Variants in UBE2E2 observed in about 807,000 individuals in gnomAD.
UBE2E2 encodes the protein ubiquitin conjugating enzyme E2 E2, also known as ubiquitin-conjugating enzyme E2 E2.
In UBE2E2, 6 loss-of-function variants were observed where a neutral mutation model predicts 24.7. That is an observed-to-expected ratio of 0.24 (90% CI 0.13 to 0.48). The LOEUF (loss-of-function observed/expected upper bound fraction) is 0.48. Among genes scored for constraint, UBE2E2 ranks in the 20% least tolerant of loss-of-function variants. The probability of loss-of-function intolerance (pLI) is 0.99; values close to 1 mark genes in which losing one functional copy is unlikely to be tolerated. For synonymous variants in UBE2E2, 104 were observed against 83.6 expected, an observed-to-expected ratio of 1.24 and a Z score of -1.33; for missense variants, 169 against 245.0, an observed-to-expected ratio of 0.69 and a Z score of 2.07.
intron 3 of UBE2E2, among the ~76,000 whole-genome samples, chr3:23,318,767 T>C (rs1420978912): frequency 6.6e-6 from 1 of 152,092 alleles, no homozygotes; most frequent in Non-Finnish European, 1.5e-5. Flanking sequence ...CCACAACATA[T>C]GGGAATTATG....
In UBE2E2 at chr3:23,263,058, A is replaced by T. The variant is rs188003218; in HGVS notation, c.227+45746A>T. On this transcript the variant is annotated intron_variant, in intron 3 of 5. Transcript: ENST00000396703. ...AGAAGTTGCTGTTACAGAACAAGAG[A>T]TGGAGAGAAGGAACTTTTAGGTGAG... Among the ~76,000 whole-genome samples the T allele has an allele frequency of 1.6e-3, 240 of 152,276 alleles. 1 individual carries two copies. Among genetic ancestry groups the T allele is most frequent in the Non-Finnish European group, 2.6e-3 (174 of 68,020 alleles).
intron 3 of UBE2E2, among the ~76,000 whole-genome samples, chr3:23,298,584 T>G (rs1246192954): frequency 4.6e-5 from 7 of 151,952 alleles, no homozygotes; most frequent in Admixed American, 3.3e-4. Flanking sequence ...ATATGCTGGA[T>G]TACGTTTATT....
At position 23,280,908 on chromosome 3, in the gene UBE2E2, A is replaced by T. The variant is rs141381934; in HGVS notation, c.227+63596A>T. ...AAACAGCATTTATTTCTCACAACTC[A>T]GGAGATTGGGAAGTCCAAGATCAAA... On this transcript the variant is annotated intron_variant, in intron 3 of 5. Transcript: ENST00000396703. The surrounding 1 kb of genome is among the most constrained non-coding windows in gnomAD (Gnocchi z 4.3). Among the ~76,000 whole-genome samples, 47 of 152,338 alleles carry T rather than the reference A, an allele frequency of 3.1e-4. No individual in the cohort carries two copies. In the East Asian group the frequency reaches 7.9e-3, roughly 26 times the overall value.
intron 3 of UBE2E2, among the ~76,000 whole-genome samples, chr3:23,341,619 A>G (rs1285541511): frequency 6.6e-6 from 1 of 152,158 alleles, no homozygotes; most frequent in African/African-American, 2.4e-5. Flanking sequence ...GCATTTTAAA[A>G]CTGTGTCTCC....
intron 3 of UBE2E2, among the ~76,000 whole-genome samples, chr3:23,403,406 A>T (rs764497756): frequency 6.6e-6 from 1 of 152,232 alleles, no homozygotes; most frequent in Non-Finnish European, 1.5e-5. Context: ...ACAACACTCT[A>T]TTGGAAAGTT....
At chr3:23,516,772 C>T (rs191710037) in intron 4 of UBE2E2, among the ~76,000 whole-genome samples, 22 of 152,152 alleles carry the variant, frequency 1.4e-4, no homozygotes, top group Admixed American at 3.9e-4. Context: ...ACTAATGATA[C>T]AGGTTTTTAG....
In UBE2E2 at chr3:23,296,765, A is replaced by G. The variant is rs1416253488; in HGVS notation, c.227+79453A>G. ...GCTATTGTGAATAGTGCCGCAATAA[A>G]CATACGTATGCATGTGTCTTCATAG... On this transcript the variant is annotated intron_variant, in intron 3 of 5. Transcript: ENST00000396703. Among the ~76,000 whole-genome samples the G allele has an allele frequency of 5.3e-5, 8 of 152,284 alleles. No homozygotes were observed. In the East Asian group the frequency reaches 1.5e-3, roughly 29 times the overall value.
chr3:23,399,856 G>C, intron 3 of UBE2E2, among the ~76,000 whole-genome samples: 1 of 152,144 alleles, frequency 6.6e-6, no homozygotes, highest in East Asian at 1.9e-4. Context: ...GTGTGGAAAT[G>C]GAAGAAGAAA....
chr3:23,303,346 A>G (rs958264161), intron 3 of UBE2E2, among the ~76,000 whole-genome samples: 3 of 152,090 alleles, frequency 2.0e-5, no homozygotes, highest in African/African-American at 7.2e-5. Context: ...AATGAGCTTG[A>G]ATTATCCGGA....
chr3:23,286,818 T>A (rs1454532409), intron 3 of UBE2E2, among the ~76,000 whole-genome samples: 2 of 152,214 alleles, frequency 1.3e-5, no homozygotes, highest in Non-Finnish European at 2.9e-5. Context: ...TTCAGTTTAT[T>A]TCACCAGTGT....
chr3:23,330,872 A>G (rs1196417264), intron 3 of UBE2E2, among the ~76,000 whole-genome samples: 1 of 152,212 alleles, frequency 6.6e-6, no homozygotes, highest in Admixed American at 6.5e-5. Context: ...ATTTATTGTT[A>G]TTAAAAAAGA....
rs115236740 is a variant in UBE2E2 at position 23,519,730 on chromosome 3, G to A, written c.361-12824G>A. The stretch of plus-strand genomic sequence containing the variant: ...CTCGCTCTATTGCCCATACTGGAGT[G>A]CAGTGGCACAGTCATGGTTCACTGC... On this transcript the variant is annotated intron_variant, in intron 4 of 5. Coordinates refer to ENST00000396703, the MANE Select transcript of UBE2E2 (RefSeq NM_152653.4). Among the ~76,000 whole-genome samples, 865 of 152,256 alleles carry A rather than the reference G, an allele frequency of 5.7e-3. 8 individuals carry two copies. Among genetic ancestry groups the A allele is most frequent in the African/African-American group, 0.02 (823 of 41,550 alleles).
chr3:23,565,183 TGG>T (rs1340748420), intron 5 of UBE2E2, among the ~76,000 whole-genome samples: 1 of 152,134 alleles, frequency 6.6e-6, no homozygotes, highest in East Asian at 1.9e-4. Flanking sequence ...TGCATCCCTC[TGG>T]GAGAGATGAC....
In UBE2E2 at chr3:23,474,719, A is replaced by C. The variant is rs1032255337; in HGVS notation, c.228-24889A>C. Among the ~76,000 whole-genome samples, 2 of 152,048 alleles carry C rather than the reference A, an allele frequency of 1.3e-5. No individual in the cohort carries two copies. Among genetic ancestry groups the C allele is most frequent in the African/African-American group, 4.8e-5 (2 of 41,308 alleles). ...CGTTAGACCAATTACAGTCTTACAC[A>C]GTCTTCATCTTCCTCCCCTTTCCTC... On this transcript the variant is annotated intron_variant, in intron 3 of 5. Transcript: ENST00000396703. This position sits in a 1 kb window ranked among gnomAD's most constrained non-coding sequence, Gnocchi z 4.0.
At chr3:23,584,313 G>A (rs1436988892) in intron 5 of UBE2E2, among the ~76,000 whole-genome samples, 1 of 152,096 alleles carries the variant, frequency 6.6e-6, no homozygotes, top group East Asian at 1.9e-4. Flanking sequence ...GATTTGGTTT[G>A]CTAGTATTTT....
At chr3:23,348,347 CAAAAA>C (rs35038477) in intron 3 of UBE2E2, among the ~76,000 whole-genome samples, 1 of 121,950 alleles carries the variant, frequency 8.2e-6, no homozygotes, top group Admixed American at 8.3e-5. Context: ...GTGCTGCTTT[CAAAAA>C]AAAAAAAAAA....
chr3:23,203,644 C>A (rs1346641969), intron 1 of UBE2E2, among the ~76,000 whole-genome samples, 180 bp downstream of exon 1: 1 of 141,418 alleles, frequency 7.1e-6, no homozygotes, highest in Non-Finnish European at 1.6e-5. Context: ...CCGCGAGCCT[C>A]CTGCCCCCGT....
intron 3 of UBE2E2, among the ~76,000 whole-genome samples, chr3:23,243,597 G>A (rs1384491689): frequency 6.6e-6 from 1 of 152,068 alleles, no homozygotes; most frequent in Non-Finnish European, 1.5e-5. Flanking sequence ...GTACAGTTTT[G>A]TGGCTCAGCA....
chr3:23,477,241 T>A (rs1699158532), intron 3 of UBE2E2, among the ~76,000 whole-genome samples: 1 of 152,212 alleles, frequency 6.6e-6, no homozygotes, highest in Admixed American at 6.5e-5. Context: ...AAGCAATTTA[T>A]CATGTGTGAA....
Sources: allele counts gnomAD v4.1 joint callset (sites outside exome capture counted in the v4.1 genomes callset), GRCh38; gene constraint gnomAD v4.1.1; non-coding constraint Gnocchi (gnomAD v3.1); transcripts MANE v1.5; gene names NCBI Gene and HGNC (gene_info 2026-07-23, HGNC 2026-07-21).